PHIP: variants seen among roughly 807,000 people sequenced by gnomAD.
PHIP encodes the protein PHIP subunit of CUL4-Ring ligase complex, also known as PH-interacting protein.
PHIP carries 54 observed loss-of-function variants against 236.8 expected under a neutral mutation model. The ratio of observed to expected loss-of-function variants is 0.23; its 90% CI spans 0.18 to 0.29. The LOEUF is 0.29. Among genes scored for constraint, PHIP ranks in the 10% least tolerant of loss-of-function variants. The pLI, the probability that PHIP is intolerant of heterozygous loss-of-function variation, is 1.00. For missense variants in PHIP, 1,370 were observed against 2,190.8 expected (o/e 0.63, Z 7.48); for synonymous variants, 756 against 718.9 (o/e 1.05, Z -0.83).
chr6:79,074,793 CTT>C (rs1321645795), intron 4 of PHIP, among the ~76,000 whole-genome samples: 1 of 152,072 alleles, frequency 6.6e-6, no homozygotes. Flanking sequence ...CTACTTTCCT[CTT>C]GATTAAAATT....
intron 16 of PHIP, 70 bp downstream of exon 16, chr6:79,003,660 C>A: frequency 8.9e-7 from 1 of 1,119,658 alleles, no homozygotes. Context: ...TCACCCACTC[C>A]AAAAACATAC....
chr6:78,970,089 G>A lies in PHIP; in HGVS notation c.3082C>T (p.Pro1028Ser). Reference protein sequence around the residue: ...LCCLKLAFLDPDTGKLTGGSF... With the variant: ...LCCLKLAFLDSDTGKLTGGSF... The stretch of plus-strand genomic sequence containing the variant: ...CCGCCAGTCAGTTTACCAGTATCAG[G>A]ATCTAGAAAAGCAAGTTTAAGGCAG... The change falls in exon 26 of 40, where the codon CCT becomes TCT. Residue 1028 changes from proline to serine, a missense_variant. Pro to Ser is a moderately conservative substitution (Grantham distance 74). This residue lies in a region of PHIP where 238 missense variants were observed against 398.5 expected (regional missense o/e 0.60). Transcript: ENST00000275034. The A allele has an allele frequency of 6.2e-7, 1 of 1,613,510 alleles. No individual in the cohort carries two copies. The highest frequency in any genetic ancestry group is 8.5e-7 in the Non-Finnish European group (1 of 1,179,616).
At position 78,963,082 on chromosome 6, in the gene PHIP, T is replaced by A; in HGVS notation, c.3535+15A>T. The A allele has an allele frequency of 6.4e-7, 1 of 1,568,336 alleles. No homozygotes were observed. Among genetic ancestry groups the A allele is most frequent in the Non-Finnish European group, 8.6e-7 (1 of 1,161,032 alleles). On this transcript the variant is annotated intron_variant, in intron 30 of 39. Transcript: ENST00000275034. ...TCTGCCAGTTTTTTCTATACTCGCG[T>A]GTTGCTTTACTTACCTAGTGTCATC...
At chr6:79,071,224 T>C (rs1275159462) in intron 4 of PHIP, among the ~76,000 whole-genome samples, 1 of 152,244 alleles carries the variant, frequency 6.6e-6, no homozygotes, top group Non-Finnish European at 1.5e-5. Flanking sequence ...TTGCCTTCTC[T>C]GTAGTAACTT....
intron 7 of PHIP, among the ~76,000 whole-genome samples, chr6:79,042,171 C>T (rs138765150): frequency 3.3e-5 from 5 of 152,044 alleles, no homozygotes; most frequent in Middle Eastern, 3.4e-3. Context: ...GATGTTAAGG[C>T]ACCTGAAAAT....
At chr6:79,031,430 C>CCTT (rs1771666625) in intron 7 of PHIP, among the ~76,000 whole-genome samples, 1 of 152,112 alleles carries the variant, frequency 6.6e-6, no homozygotes, top group East Asian at 1.9e-4. Flanking sequence ...TAAGTCAAGA[C>CCTT]AATCTTGTCA....
chr6:79,051,918 TG>T (rs898270902), intron 6 of PHIP, among the ~76,000 whole-genome samples: 22 of 149,612 alleles, frequency 1.5e-4, no homozygotes, highest in African/African-American at 4.5e-4. Context: ...TTAAGTTAGG[TG>T]GTTTTTTTTA....
intron 20 of PHIP, among the ~76,000 whole-genome samples, chr6:78,990,083 GA>G (rs956204915): frequency 1.8e-4 from 27 of 151,890 alleles, no homozygotes; most frequent in African/African-American, 3.4e-4. Context: ...AAACTCAAAT[GA>G]AAAAAAGGAA....
intron 35 of PHIP, among the ~76,000 whole-genome samples, chr6:78,952,914 C>CT (rs566121856): frequency 2.5e-3 from 377 of 151,196 alleles, no homozygotes; most frequent in Non-Finnish European, 3.5e-3. Context: ...TGTCATCTCT[C>CT]TTTTTTTTAA....
chr6:78,942,257 C>T (rs928384614), intron 39 of PHIP, among the ~76,000 whole-genome samples: 1 of 152,092 alleles, frequency 6.6e-6, no homozygotes, highest in Non-Finnish European at 1.5e-5. Context: ...CCAAAGTGGG[C>T]GGATCACCTG....
At chr6:78,986,775 C>T (rs1768894341) in intron 21 of PHIP, among the ~76,000 whole-genome samples, 1 of 152,048 alleles carries the variant, frequency 6.6e-6, no homozygotes, top group Non-Finnish European at 1.5e-5. Context: ...TATGTCTATT[C>T]CACAGTTATG....
At chr6:78,975,947 G>A (rs1768025720) in intron 24 of PHIP, among the ~76,000 whole-genome samples, 1 of 151,120 alleles carries the variant, frequency 6.6e-6, no homozygotes, top group African/African-American at 2.4e-5. Context: ...TGGCCATACT[G>A]CCCAAGGTAA....
intron 19 of PHIP, among the ~76,000 whole-genome samples, chr6:78,994,436 G>A (rs1769478893): frequency 6.6e-6 from 1 of 152,130 alleles, no homozygotes; most frequent in South Asian, 2.1e-4. Context: ...AATTATCCAG[G>A]CATGGTGGCA....
At chr6:79,021,099 C>T (rs1336748960) in intron 9 of PHIP, among the ~76,000 whole-genome samples, 2 of 152,206 alleles carry the variant, frequency 1.3e-5, no homozygotes. Context: ...CTTCTCTTTA[C>T]ACACTGGTGA....
At chr6:79,039,892 T>A (rs1772125704) in intron 7 of PHIP, among the ~76,000 whole-genome samples, 1 of 152,152 alleles carries the variant, frequency 6.6e-6, no homozygotes, top group Admixed American at 6.5e-5. Context: ...TTTCCCTCCT[T>A]GGGTTTTTCT....
At chr6:78,978,094 A>G (rs1003553370) in intron 24 of PHIP, among the ~76,000 whole-genome samples, 2 of 152,114 alleles carry the variant, frequency 1.3e-5, no homozygotes, top group Admixed American at 6.6e-5. Flanking sequence ...TTCTAAAACA[A>G]TGGTCTCATC....
chr6:79,074,234 G>T (rs1209021257), intron 4 of PHIP, among the ~76,000 whole-genome samples: 1 of 151,948 alleles, frequency 6.6e-6, no homozygotes, highest in Non-Finnish European at 1.5e-5. Flanking sequence ...CATTTTAACA[G>T]ATTGGCAAAA....
intron 4 of PHIP, among the ~76,000 whole-genome samples, chr6:79,061,559 G>A (rs948134430): frequency 4.6e-5 from 7 of 151,936 alleles, no homozygotes; most frequent in South Asian, 2.1e-4. Context: ...ACAATGCCAC[G>A]CTTCTCACAA....
intron 19 of PHIP, among the ~76,000 whole-genome samples, chr6:78,991,675 C>T (rs551583737): frequency 3.1e-4 from 47 of 152,044 alleles, no homozygotes; most frequent in Non-Finnish European, 5.6e-4. Flanking sequence ...GTAGTTAATA[C>T]TAAAACACAG....
Sources: allele counts gnomAD v4.1 joint callset (sites outside exome capture counted in the v4.1 genomes callset), GRCh38; gene constraint gnomAD v4.1.1; regional missense constraint gnomAD v4.1.1; transcripts MANE v1.5; gene names NCBI Gene and HGNC (gene_info 2026-07-23, HGNC 2026-07-21).